Variants in GRIP1 observed in about 807,000 individuals in gnomAD.
The protein encoded by GRIP1 is glutamate receptor interacting protein 1, also known as glutamate receptor-interacting protein 1.
In GRIP1, 45 loss-of-function variants were observed where a neutral mutation model predicts 129.9. The ratio of observed to expected loss-of-function variants is 0.35; its 90% confidence interval spans 0.27 to 0.44. GRIP1 has a LOEUF of 0.44. GRIP1 is among the 20% of genes least tolerant of loss of function. The pLI, the probability that GRIP1 is intolerant of heterozygous loss-of-function variation, is 1.00. For missense variants in GRIP1, 1,196 were observed against 1,396.8 expected (o/e 0.86, Z 2.29); for synonymous variants, 530 against 520.8 (o/e 1.02, Z -0.24).
At chr12:66,467,738 CT>C (rs2138379740) in intron 7 of GRIP1, among the ~76,000 whole-genome samples, 1 of 152,344 alleles carries the variant, frequency 6.6e-6, no homozygotes, top group South Asian at 2.1e-4. Flanking sequence ...GCATAGCAAC[CT>C]TTTTCTGCTC....
intron 1 of GRIP1, among the ~76,000 whole-genome samples, chr12:67,027,296 C>A (rs1178618105): frequency 6.6e-6 from 1 of 152,236 alleles, no homozygotes; most frequent in African/African-American, 2.4e-5. Flanking sequence ...CTGAGAGCAA[C>A]CTGCAGCACT....
intron 7 of GRIP1, among the ~76,000 whole-genome samples, chr12:66,483,141 T>C (rs934792714): frequency 6.6e-6 from 1 of 152,200 alleles, no homozygotes; most frequent in Non-Finnish European, 1.5e-5. Flanking sequence ...CTGTGCATGG[T>C]AATATCAACT....
intron 1 of GRIP1, among the ~76,000 whole-genome samples, chr12:66,688,289 A>T (rs1053827111): frequency 2.6e-5 from 4 of 152,174 alleles, no homozygotes; most frequent in South Asian, 4.1e-4. Context: ...AATTCCTTAC[A>T]GTTCTACCAT....
At chr12:66,678,759 G>A (rs968159723) in intron 1 of GRIP1, 91 bp downstream of exon 1, 2 of 1,169,690 alleles carry the variant, frequency 1.7e-6, no homozygotes, top group African/African-American at 1.5e-5. Flanking sequence ...AAATTGCAAA[G>A]GCAGTCATAT....
At chr12:66,410,336 A>C (rs1158553182) in intron 15 of GRIP1, among the ~76,000 whole-genome samples, 28 of 146,748 alleles carry the variant, frequency 1.9e-4, no homozygotes, top group Non-Finnish European at 4.1e-4. Context: ...AAGATGAAAG[A>C]AAAAAAAAAG....
intron 1 of GRIP1, among the ~76,000 whole-genome samples, chr12:66,953,487 TAGAG>T (rs1430583328): frequency 5.9e-5 from 9 of 152,154 alleles, no homozygotes; most frequent in African/African-American, 2.2e-4. Flanking sequence ...AACTAAAGCT[TAGAG>T]AGGCGTGTTG....
At chr12:66,973,792 C>T (rs2042110333) in intron 1 of GRIP1, among the ~76,000 whole-genome samples, 1 of 152,076 alleles carries the variant, frequency 6.6e-6, no homozygotes, top group African/African-American at 2.4e-5. Context: ...ATGGTTGTAG[C>T]TTCTCTTTAC....
intron 1 of GRIP1, among the ~76,000 whole-genome samples, chr12:66,712,503 T>C (rs760426475): frequency 6.6e-6 from 1 of 152,124 alleles, no homozygotes; most frequent in East Asian, 1.9e-4. Context: ...CATCTTTGTA[T>C]AGATTTTAGT....
At chr12:66,485,507 C>A (rs2059929921) in intron 7 of GRIP1, among the ~76,000 whole-genome samples, 1 of 151,666 alleles carries the variant, frequency 6.6e-6, no homozygotes, top group Non-Finnish European at 1.5e-5. Flanking sequence ...ATGTGATTTG[C>A]AAATATACTT....
At chr12:66,581,203 C>T (rs1358196982) in intron 2 of GRIP1, among the ~76,000 whole-genome samples, 1 of 151,990 alleles carries the variant, frequency 6.6e-6, no homozygotes, top group Non-Finnish European at 1.5e-5. Context: ...TCTTTGAAAC[C>T]AAAGAGAACA....
Position 66,444,658 on chromosome 12 carries a change from T to C in GRIP1, c.1613A>G (p.Glu538Gly). Residue 538 changes from glutamate (E) to glycine (G), a missense_variant, in exon 13 of 25, where the codon GAA becomes GGA. This residue lies in a region of GRIP1 where 508 missense variants were observed against 587.0 expected (regional missense o/e 0.87). Coordinates refer to ENST00000359742, the MANE Select transcript of GRIP1 (RefSeq NM_001366722.1). ...GTCTCGGAGGAGCTGACTGGCTTCT[T>C]CGAAGGTGCTGTCTTCTGTTGGAAT... is the stretch of plus-strand genomic sequence containing the variant. ...NGIPTEDSTF[E>G]EASQLLRDSS... 1 of 1,613,966 alleles carries C rather than the reference T, an allele frequency of 6.2e-7. No homozygotes were observed. The highest frequency in any genetic ancestry group is 8.5e-7 in the Non-Finnish European group (1 of 1,179,876).
At chr12:66,545,784 T>C (rs1023511469) in intron 2 of GRIP1, among the ~76,000 whole-genome samples, 2 of 152,200 alleles carry the variant, frequency 1.3e-5, no homozygotes, top group Non-Finnish European at 2.9e-5. Flanking sequence ...CTTTAATCAG[T>C]TGTATATCTA....
chr12:66,401,598 G>GTGTATATATA (rs71096098), intron 16 of GRIP1, among the ~76,000 whole-genome samples: 3,375 of 66,160 alleles, frequency 0.051, 277 homozygotes, highest in East Asian at 0.075. Context: ...AAATATGTGT[G>GTGTATATATA]TATATATATA....
chr12:67,063,617 T>C (rs1008753715), intron 1 of GRIP1, among the ~76,000 whole-genome samples: 1 of 152,198 alleles, frequency 6.6e-6, no homozygotes, highest in African/African-American at 2.4e-5. Flanking sequence ...CATTCTTGTA[T>C]TTTGTATTAC....
rs538388436 is a variant in GRIP1, at chr12:66,544,613, A to G, written c.137-2663T>C. On this transcript the variant is annotated intron_variant, in intron 2 of 24. Transcript: ENST00000359742. ...ACCAAAGAAGGAATATAAATTAGGC[A>G]AAACTCAGGAGTAAAGATAGAACAT... Among the ~76,000 whole-genome samples the G allele has an allele frequency of 5.7e-4, 87 of 152,364 alleles. 1 individual carries two copies. The South Asian group carries it at 0.017, about 30-fold the overall frequency.
intron 1 of GRIP1, among the ~76,000 whole-genome samples, chr12:66,872,594 G>A (rs2040314476): frequency 6.6e-6 from 1 of 151,982 alleles, no homozygotes; most frequent in African/African-American, 2.4e-5. Context: ...GCACCAACCA[G>A]TAACAGTAAA....
At chr12:66,626,903 T>G (rs1355321157) in intron 1 of GRIP1, 1 of 152,290 alleles carries the variant, frequency 6.6e-6, no homozygotes. Context: ...TCTCATGCTC[T>G]CTGACCATCC....
intron 1 of GRIP1, among the ~76,000 whole-genome samples, chr12:66,796,199 C>T (rs1029038455): frequency 7.2e-5 from 11 of 152,038 alleles, no homozygotes; most frequent in Admixed American, 1.3e-4. Flanking sequence ...ACTATGTCCC[C>T]TTTGGCCACA....
intron 1 of GRIP1, among the ~76,000 whole-genome samples, chr12:66,600,468 C>A (rs1371166731): frequency 1.3e-5 from 2 of 152,194 alleles, no homozygotes; most frequent in East Asian, 1.9e-4. Flanking sequence ...ATTATATTCA[C>A]TTTTTCAAAC....
Sources: allele counts gnomAD v4.1 joint callset (sites outside exome capture counted in the v4.1 genomes callset), GRCh38; gene constraint gnomAD v4.1.1; regional missense constraint gnomAD v4.1.1; transcripts MANE v1.5; gene names NCBI Gene and HGNC (gene_info 2026-07-23, HGNC 2026-07-21).